RIMS3: variants seen among roughly 807,000 people sequenced by gnomAD.
The protein encoded by RIMS3 is regulating synaptic membrane exocytosis 3, also known as regulating synaptic membrane exocytosis protein 3.
RIMS3 carries 15 observed loss-of-function variants against 29.2 expected under a neutral mutation model. The ratio of observed to expected loss-of-function variants is 0.51; its 90% CI spans 0.34 to 0.79. The LOEUF (loss-of-function observed/expected upper bound fraction) is 0.79, where lower values mean the gene tolerates loss of function less well. RIMS3 is among the 30% of genes least tolerant of loss of function. The probability of loss-of-function intolerance (pLI) is 0.01; values close to 1 mark genes in which losing one functional copy is unlikely to be tolerated. For missense variants in RIMS3, 342 were observed against 421.4 expected (o/e 0.81, Z 1.65); for synonymous variants, 161 against 170.1 (o/e 0.95, Z 0.41).
chr1:40,678,444 TTC>T, the RIMS3 span, among the ~76,000 whole-genome samples: 2 of 152,078 alleles, frequency 1.3e-5, no homozygotes, highest in Non-Finnish European at 2.9e-5. Flanking sequence ...AATAGTCTCT[TTC>T]TCTCCTCCCT....
the RIMS3 span, among the ~76,000 whole-genome samples, chr1:40,676,868 CAAG>C: frequency 4.6e-5 from 7 of 152,124 alleles, no homozygotes; most frequent in South Asian, 1.4e-3. Flanking sequence ...GCAGGATGGA[CAAG>C]AAGGAGAGGC....
chr1:40,645,092 GA>G (rs1325689642), intron 2 of RIMS3, among the ~76,000 whole-genome samples: 1 of 152,212 alleles, frequency 6.6e-6, no homozygotes, highest in East Asian at 1.9e-4. Context: ...TTCGCCCTGT[GA>G]CGTGTGCAGA....
the RIMS3 span, chr1:40,691,978 G>A: frequency 3.3e-6 from 1 of 304,674 alleles, no homozygotes; most frequent in Non-Finnish European, 6.5e-6. Flanking sequence ...CGCGGCCGCT[G>A]CTGTAGCTCG....
chr1:40,634,754 C>A (rs913839904), intron 4 of RIMS3, among the ~76,000 whole-genome samples: 5 of 152,086 alleles, frequency 3.3e-5, no homozygotes, highest in Admixed American at 3.3e-4. Flanking sequence ...CCAGCCTGAC[C>A]AACATGGAGA....
At chr1:40,668,240 ACT>A (rs1337644572), upstream of RIMS3, among the ~76,000 whole-genome samples, 2 of 112,358 alleles carry the variant, frequency 1.8e-5, no homozygotes, top group African/African-American at 7.6e-5. Context: ...ACAGAGCAAG[ACT>A]CTGTCTCAAA....
At chr1:40,664,133 G>T (rs977422632) in intron 1 of RIMS3, among the ~76,000 whole-genome samples, 24 of 152,104 alleles carry the variant, frequency 1.6e-4, no homozygotes, top group Non-Finnish European at 1.5e-4. Flanking sequence ...AGGCAGTCAG[G>T]AACAGAAGGC....
At chr1:40,676,272 A>C in the RIMS3 span, among the ~76,000 whole-genome samples, 2 of 152,236 alleles carry the variant, frequency 1.3e-5, no homozygotes, top group East Asian at 3.9e-4. Context: ...GATTGTCTCT[A>C]AAGTCCTCTC....
chr1:40,639,181 C>T (rs1027153454), intron 3 of RIMS3, among the ~76,000 whole-genome samples: 1 of 152,194 alleles, frequency 6.6e-6, no homozygotes. Flanking sequence ...GAATTCCTCC[C>T]CACTTCACAC....
the RIMS3 span, among the ~76,000 whole-genome samples, chr1:40,678,347 G>C: frequency 3.0e-4 from 46 of 152,226 alleles, no homozygotes; most frequent in Non-Finnish European, 5.7e-4. Context: ...GGTGGAGGTT[G>C]CGGTGAGCTG....
At position 40,626,487 on chromosome 1, in the gene RIMS3, C is replaced by T. The variant is rs1288565672; in HGVS notation, c.*30G>A. 2 of 1,565,950 alleles carry T rather than the reference C, an allele frequency of 1.3e-6. No individual in the cohort carries two copies. Among genetic ancestry groups the T allele is most frequent in the Middle Eastern group, 1.8e-4 (1 of 5,628 alleles). ...TGGGGCCAGCAGGCACCCCTCCCCA[C>T]ACCACCATCCTGGCCTCTTCCTGAC... On this transcript the variant is annotated 3_prime_UTR_variant, in exon 8 of 8. Coordinates refer to ENST00000372684, the MANE Select transcript of RIMS3 (RefSeq NM_014747.3).
At position 40,626,338 on chromosome 1, in the gene RIMS3, A is replaced by G. The variant is rs951432965; in HGVS notation, c.*179T>C. On this transcript the variant is annotated 3_prime_UTR_variant, in exon 8 of 8. Coordinates refer to ENST00000372684, the MANE Select transcript of RIMS3 (RefSeq NM_014747.3). ...AACGTGGTCACGTACACACACACAC[A>G]CACGCACGCACACACGCACACACTA... 19 of 654,290 alleles carry G rather than the reference A, an allele frequency of 2.9e-5. No individual in the cohort carries two copies. The highest frequency in any genetic ancestry group is 1.0e-4 in the South Asian group (6 of 57,846). The allele number at this position is 654,290 out of a possible 1,614,324, so 40.5% of individuals were successfully genotyped here.
the RIMS3 span, among the ~76,000 whole-genome samples, chr1:40,671,250 G>T: frequency 6.6e-6 from 1 of 152,170 alleles, no homozygotes; most frequent in Non-Finnish European, 1.5e-5. Context: ...GCCTTGGGGG[G>T]GATGCTGATT....
At chr1:40,679,376 G>A in the RIMS3 span, among the ~76,000 whole-genome samples, 1 of 152,182 alleles carries the variant, frequency 6.6e-6, no homozygotes, top group African/African-American at 2.4e-5. Flanking sequence ...GAAGTGTCTG[G>A]GGAATGTAGT....
Position 40,629,334 on chromosome 1 carries a change from G to C in RIMS3, c.511C>G (p.Leu171Val), listed in dbSNP as rs772806613. ...HIAIMDRSGQ[L>V]EVEVIEARGL... ...CGAGCTTCAATCACTTCCACCTCCAGCTGGCCACTCCGGTCCATGATGGCA... is the reference window on the plus strand; with the variant it reads ...CGAGCTTCAATCACTTCCACCTCCACCTGGCCACTCCGGTCCATGATGGCA... Residue 171 changes from leucine to valine, a missense_variant, in exon 6 of 8, where the codon CTG becomes GTG. Leu to Val is a conservative substitution (Grantham distance 32, BLOSUM62 1). Coordinates refer to ENST00000372684, the MANE Select transcript of RIMS3 (RefSeq NM_014747.3). 3.3e-5 allele frequency: 53 copies of C among 1,614,018 alleles called. No individual in the cohort carries two copies. The highest frequency in any genetic ancestry group is 4.2e-6 in the Non-Finnish European group (5 of 1,180,020).
At chr1:40,633,333 G>A (rs1646501354) in intron 4 of RIMS3, 152 bp from the exon 5 acceptor site, 2 of 603,892 alleles carry the variant, frequency 3.3e-6, no homozygotes, top group Non-Finnish European at 3.0e-6. Context: ...GCACTACTCT[G>A]GGAAAGGACA....
Position 40,623,665 on chromosome 1 carries a change from C to A in RIMS3, c.*2852G>T, listed in dbSNP as rs1646435819. 2 of 378,866 alleles carry A rather than the reference C, an allele frequency of 5.3e-6. No individual in the cohort carries two copies. The highest frequency in any genetic ancestry group is 9.1e-6 in the Non-Finnish European group (2 of 219,008). 23.5% of individuals were successfully genotyped at this position (378,866 alleles called of 1,614,324 possible). ...AGGGATCATGTTCCTTCCTTCCCCA[C>A]CCCCCGTCCTCAAACAGCAGATGCT... On this transcript the variant is annotated 3_prime_UTR_variant, in exon 8 of 8. Transcript: ENST00000372684.
chr1:40,673,696 G>A, the RIMS3 span, among the ~76,000 whole-genome samples: 8 of 152,194 alleles, frequency 5.3e-5, no homozygotes, highest in Non-Finnish European at 1.0e-4. Context: ...CCTCCTCCTG[G>A]AAGTCCACTG....
rs1007468741 is a variant in RIMS3, at chr1:40,625,089, C to T, written c.*1428G>A. ...CAGGTCTGGGCATTCCTGAGTCAGA[C>T]TTCAGGATTCCCACGGGACAGATTT... On this transcript the variant is annotated 3_prime_UTR_variant, in exon 8 of 8. Coordinates refer to ENST00000372684, the MANE Select transcript of RIMS3 (RefSeq NM_014747.3). 3.9e-5 allele frequency: 6 copies of T among 152,408 alleles called. No homozygotes were observed. Among genetic ancestry groups the T allele is most frequent in the Non-Finnish European group, 2.9e-5 (2 of 68,180 alleles). 9.4% of individuals were successfully genotyped at this position (152,408 alleles called of 1,614,324 possible). A position where few individuals can be genotyped will look rare whatever the true frequency, so the allele number is the denominator to read the frequency against.
chr1:40,641,485 C>T lies in RIMS3; in HGVS notation c.217+224G>A, dbSNP rs574646714. ...CTACTAGTTGTGCAGTTTGAAGCAT[C>T]TGACCTCCCTTTTCTGTTCTTTGGT... On this transcript the variant is annotated intron_variant, in intron 3 of 7. Coordinates refer to ENST00000372684, the MANE Select transcript of RIMS3 (RefSeq NM_014747.3). 3.3e-5 allele frequency among the ~76,000 whole-genome samples: 5 copies of T among 152,350 alleles called. 1 individual carries two copies. In the South Asian group the frequency reaches 1.0e-3, roughly 32 times the overall value.
Sources: allele counts gnomAD v4.1 joint callset (sites outside exome capture counted in the v4.1 genomes callset), GRCh38; gene constraint gnomAD v4.1.1; transcripts MANE v1.5; gene names NCBI Gene and HGNC (gene_info 2026-07-23, HGNC 2026-07-21).